TECR: variants seen among roughly 807,000 people sequenced by gnomAD.
TECR encodes the protein trans-2,3-enoyl-CoA reductase, also known as very-long-chain enoyl-CoA reductase.
In TECR, 19 loss-of-function variants were observed where a neutral mutation model predicts 50.6. That is an observed-to-expected ratio of 0.38 (90% CI 0.26 to 0.55). TECR has a LOEUF of 0.55. Ranked by LOEUF, TECR falls within the 20% of genes least tolerant of loss-of-function variation. TECR has a pLI of 0.79. For synonymous variants in TECR, 168 were observed against 163.5 expected, an observed-to-expected ratio of 1.03 and a Z score of -0.21; for missense variants, 313 against 408.3, an observed-to-expected ratio of 0.77 and a Z score of 2.01.
At chr19:14,547,860 C>T (rs557381616) in intron 1 of TECR, among the ~76,000 whole-genome samples, 22 of 150,628 alleles carry the variant, frequency 1.5e-4, no homozygotes, top group Admixed American at 3.3e-4. Flanking sequence ...TGGGGTCTTG[C>T]GATGTTGCCC....
At chr19:14,549,644 C>G (rs1309945289) in intron 1 of TECR, among the ~76,000 whole-genome samples, 1 of 151,844 alleles carries the variant, frequency 6.6e-6, no homozygotes, top group Non-Finnish European at 1.5e-5. Flanking sequence ...AGCTTTTGGC[C>G]TCTTTATAAA....
At chr19:14,564,330 GCCCCACCCCGCCCC>G (rs2073996156) in intron 7 of TECR, 43 bp downstream of exon 7, 1 of 1,322,886 alleles carries the variant, frequency 7.6e-7, no homozygotes, top group African/African-American at 2.5e-5. Context: ...CCGCCTTTCT[GCCCCACCCCGCCCC>G]GCCCCCACCG....
chr19:14,533,908 T>C (rs1443509373), intron 1 of TECR: 1 of 152,102 alleles, frequency 6.6e-6, no homozygotes, highest in Non-Finnish European at 1.5e-5. Flanking sequence ...ATTTTTTTAT[T>C]TTATTGCTGT....
chr19:14,539,038 A>G (rs1207764625), intron 1 of TECR, among the ~76,000 whole-genome samples: 1 of 147,196 alleles, frequency 6.8e-6, no homozygotes, highest in African/African-American at 2.5e-5. Context: ...CAGTGGCTCC[A>G]TCTCGGCTCA....
intron 1 of TECR, among the ~76,000 whole-genome samples, chr19:14,543,419 ATTTTTTTTTTTTTT>A (rs1169742953): frequency 2.3e-3 from 51 of 21,810 alleles, no homozygotes; most frequent in South Asian, 7.0e-3. Flanking sequence ...ATATATATAT[ATTTTTTTTTTTTTT>A]TTTTTTTTTT....
intron 1 of TECR, among the ~76,000 whole-genome samples, chr19:14,561,648 T>C (rs1380230145): frequency 6.6e-6 from 1 of 152,020 alleles, no homozygotes; most frequent in East Asian, 1.9e-4. Flanking sequence ...GAGAAGTGGG[T>C]GGGGAGGAAG....
intron 1 of TECR, among the ~76,000 whole-genome samples, chr19:14,551,565 C>T (rs759451968): frequency 3.3e-5 from 5 of 152,180 alleles, no homozygotes; most frequent in Admixed American, 6.5e-5. Context: ...ATTGAGGACG[C>T]GCCCCTGCTT....
chr19:14,538,691 C>G (rs976148347), intron 1 of TECR, among the ~76,000 whole-genome samples: 6 of 151,696 alleles, frequency 4.0e-5, no homozygotes, highest in African/African-American at 1.5e-4. Flanking sequence ...TGCCACCATG[C>G]CTGGCTAATT....
intron 1 of TECR, among the ~76,000 whole-genome samples, chr19:14,560,662 G>A (rs941781266): frequency 4.6e-5 from 7 of 152,208 alleles, no homozygotes; most frequent in Non-Finnish European, 1.5e-5. Flanking sequence ...ACAAGGCCAG[G>A]CAGTGCCTGG....
chr19:14,544,635 C>CTT (rs545193107), intron 1 of TECR, among the ~76,000 whole-genome samples: 5 of 134,204 alleles, frequency 3.7e-5, no homozygotes, highest in Non-Finnish European at 4.7e-5. Flanking sequence ...TTGGCCATTC[C>CTT]TTTTTTTTTT....
intron 1 of TECR, among the ~76,000 whole-genome samples, chr19:14,559,710 C>G (rs982614859): frequency 1.3e-5 from 2 of 151,924 alleles, no homozygotes; most frequent in Non-Finnish European, 2.9e-5. Context: ...TCGTTTGAAC[C>G]TGGGGGGCGG....
At chr19:14,536,193 T>C (rs1306464390) in intron 1 of TECR, among the ~76,000 whole-genome samples, 2 of 151,894 alleles carry the variant, frequency 1.3e-5, no homozygotes. Context: ...TTTGGATCAG[T>C]GCTAGGCTCA....
intron 1 of TECR, among the ~76,000 whole-genome samples, chr19:14,548,079 C>T (rs2146594159): frequency 6.6e-6 from 1 of 151,622 alleles, no homozygotes; most frequent in South Asian, 2.1e-4. Flanking sequence ...TCTTCTGCCT[C>T]AGCCTCCCAA....
In TECR at chr19:14,558,159, C is replaced by A. The variant is rs188589640; in HGVS notation, c.16-4366C>A. On this transcript the variant is annotated intron_variant, in intron 1 of 12. Transcript: ENST00000215567. ...ACTTTGCCATGAGTAGATGGAAGTT[C>A]AGAGAGGTTGGGTAACTTGCCCAGG... Among the ~76,000 whole-genome samples, 78 of 152,266 alleles carry A rather than the reference C, an allele frequency of 5.1e-4. No homozygotes were observed. The East Asian group carries it at 0.014, about 27-fold the overall frequency.
chr19:14,564,641 G>T, intron 7 of TECR, 145 bp from the exon 8 acceptor site: 1 of 740,154 alleles, frequency 1.4e-6, no homozygotes, highest in Non-Finnish European at 2.2e-6. Flanking sequence ...CTCACCCCTT[G>T]GCCCCGCCTA....
chr19:14,553,631 G>A (rs900960821), intron 1 of TECR, among the ~76,000 whole-genome samples: 5 of 152,164 alleles, frequency 3.3e-5, no homozygotes, highest in Non-Finnish European at 7.3e-5. Flanking sequence ...AAGTGGGAAG[G>A]AAAGGGAGCC....
chr19:14,551,375 AATT>A (rs1211880606), intron 1 of TECR, among the ~76,000 whole-genome samples: 1 of 152,134 alleles, frequency 6.6e-6, no homozygotes, highest in East Asian at 1.9e-4. Flanking sequence ...GCACCTGGCC[AATT>A]ATTATATTTT....
chr19:14,562,671 C>A, intron 2 of TECR, 96 bp downstream of exon 2: 1 of 1,401,414 alleles, frequency 7.1e-7, no homozygotes, highest in Non-Finnish European at 1.0e-6. Flanking sequence ...CCCTTTGTGC[C>A]CCACCCCCTG....
At chr19:14,562,744 G>A (rs979250209) in intron 2 of TECR, among the ~76,000 whole-genome samples, 169 bp downstream of exon 2, 10 of 152,114 alleles carry the variant, frequency 6.6e-5, no homozygotes, top group Admixed American at 3.9e-4. Flanking sequence ...TGGGTGTGGC[G>A]GGGAAATGGA....
Sources: gnomAD v4.1 joint callset for allele counts (sites outside exome capture counted in the v4.1 genomes callset) on GRCh38, gnomAD v4.1.1 for gene constraint, MANE v1.5 for transcripts, NCBI Gene and HGNC (gene_info 2026-07-23, HGNC 2026-07-21) for gene names.